KCNH5: variants seen among roughly 807,000 people sequenced by gnomAD.
KCNH5 encodes the protein voltage-gated delayed rectifier potassium channel KCNH5.
Under a neutral mutation model 96.1 loss-of-function variants are expected in KCNH5, and 46 were observed. The observed-to-expected ratio is 0.48, with a 90% CI of 0.38 to 0.61. The LOEUF is 0.61. KCNH5 is among the 20% of genes least tolerant of loss of function. KCNH5 has a pLI of 0.00. For synonymous variants in KCNH5, 439 were observed against 449.8 expected, an observed-to-expected ratio of 0.98 and a Z score of 0.30; for missense variants, 907 against 1,225.8, an observed-to-expected ratio of 0.74 and a Z score of 3.88.
At position 62,879,491 on chromosome 14, in the gene KCNH5, T is replaced by C. The variant is rs114445134; in HGVS notation, c.1370-29639A>G. Among the ~76,000 whole-genome samples the C allele has an allele frequency of 3.6e-3, 554 of 152,292 alleles. 3 individuals are homozygous for C. Among genetic ancestry groups the C allele is most frequent in the African/African-American group, 0.012 (517 of 41,576 alleles). On this transcript the variant is annotated intron_variant, in intron 7 of 10. Transcript: ENST00000322893. ...TGAATGAATAAATGAATGGGATTTC[T>C]TTAACCCGCAAATTATTATTATTGA...
chr14:62,873,525 T>A (rs1888304177), intron 7 of KCNH5, among the ~76,000 whole-genome samples: 2 of 152,144 alleles, frequency 1.3e-5, no homozygotes, highest in South Asian at 2.1e-4. Flanking sequence ...TAAAAATGAG[T>A]TGTCCTACTG....
intron 6 of KCNH5, among the ~76,000 whole-genome samples, 191 bp downstream of exon 6, chr14:62,980,681 C>A (rs1246682770): frequency 2.0e-5 from 3 of 152,092 alleles, no homozygotes; most frequent in African/African-American, 2.4e-5. Flanking sequence ...TACTTTCAAC[C>A]AGATATCAAG....
intron 2 of KCNH5, among the ~76,000 whole-genome samples, chr14:63,015,847 T>G (rs1891317785): frequency 6.6e-6 from 1 of 151,820 alleles, no homozygotes; most frequent in South Asian, 2.1e-4. Flanking sequence ...GTTGAAAAAA[T>G]TAACCTATAA....
intron 7 of KCNH5, among the ~76,000 whole-genome samples, chr14:62,912,402 A>T (rs1423991492): frequency 6.7e-6 from 1 of 150,144 alleles, no homozygotes; most frequent in Non-Finnish European, 1.5e-5. Context: ...ACTTCCTTCT[A>T]TATCTTGATT....
rs1594668636 is a variant in KCNH5 at position 63,001,475 on chromosome 14, G to T, written c.305-16C>A. ...ACAGGGGTTCCTGTAACAGAAAGAAGTTGGGGAAAGGACATTAGAGTGTGG... is the reference window on the plus strand; with the variant it reads ...ACAGGGGTTCCTGTAACAGAAAGAATTTGGGGAAAGGACATTAGAGTGTGG... On this transcript the variant is annotated splice_polypyrimidine_tract_variant and intron_variant, in intron 3 of 10. Transcript: ENST00000322893. The T allele has an allele frequency of 1.2e-6, 2 of 1,605,232 alleles. No homozygotes were observed. Among genetic ancestry groups the T allele is most frequent in the Admixed American group, 1.7e-5 (1 of 58,736 alleles).
chr14:62,809,616 T>C (rs560725972), intron 8 of KCNH5, among the ~76,000 whole-genome samples: 1 of 152,232 alleles, frequency 6.6e-6, no homozygotes, highest in Admixed American at 6.6e-5. Context: ...AGATTCCTTA[T>C]GAAACAGAGT....
chr14:62,927,830 T>C (rs1889504422), intron 7 of KCNH5, among the ~76,000 whole-genome samples: 1 of 152,088 alleles, frequency 6.6e-6, no homozygotes, highest in Admixed American at 6.6e-5. Flanking sequence ...TATGAATGTA[T>C]TTAATGCCAC....
chr14:62,994,432 A>G (rs890596423), intron 4 of KCNH5, among the ~76,000 whole-genome samples: 4 of 152,096 alleles, frequency 2.6e-5, no homozygotes, highest in African/African-American at 4.8e-5. Context: ...ACACATATGG[A>G]TAACTGACAG....
At chr14:62,803,535 G>A (rs1886707158) in intron 8 of KCNH5, among the ~76,000 whole-genome samples, 2 of 152,166 alleles carry the variant, frequency 1.3e-5, no homozygotes, top group South Asian at 4.1e-4. Context: ...TTGTATGGCA[G>A]TCCTTGTTCA....
At chr14:62,776,336 T>A (rs1377215063) in intron 10 of KCNH5, among the ~76,000 whole-genome samples, 1 of 152,016 alleles carries the variant, frequency 6.6e-6, no homozygotes, top group Non-Finnish European at 1.5e-5. Context: ...GCTAGCTGGC[T>A]TCCTTCCCAC....
chr14:62,802,177 G>T, intron 9 of KCNH5, 152 bp downstream of exon 9: 1 of 719,680 alleles, frequency 1.4e-6, no homozygotes, highest in Non-Finnish European at 2.3e-6. Context: ...TGCTGAAATA[G>T]CATTATTAGT....
intron 7 of KCNH5, among the ~76,000 whole-genome samples, chr14:62,901,229 T>G (rs927629975): frequency 2.6e-5 from 4 of 152,190 alleles, no homozygotes; most frequent in African/African-American, 9.7e-5. Context: ...TATTTATTTT[T>G]GGGTTTTTTT....
intron 7 of KCNH5, among the ~76,000 whole-genome samples, chr14:62,925,470 G>T (rs947397321): frequency 1.3e-5 from 2 of 151,744 alleles, no homozygotes; most frequent in African/African-American, 4.8e-5. Flanking sequence ...CTTTCCTCTT[G>T]AGTGTTATAA....
intron 5 of KCNH5, among the ~76,000 whole-genome samples, chr14:62,986,553 G>A (rs1320365343): frequency 6.6e-6 from 1 of 152,078 alleles, no homozygotes; most frequent in East Asian, 1.9e-4. Context: ...TTTCCCTTCA[G>A]AATTCACTCA....
At chr14:62,760,030 G>A (rs1296804802) in intron 10 of KCNH5, among the ~76,000 whole-genome samples, 1 of 152,100 alleles carries the variant, frequency 6.6e-6, no homozygotes. Context: ...GTGACTCTCA[G>A]GTACAAACAT....
chr14:62,962,222 A>G (rs1215496241), intron 6 of KCNH5, among the ~76,000 whole-genome samples: 1 of 147,872 alleles, frequency 6.8e-6, no homozygotes, highest in Non-Finnish European at 1.5e-5. Context: ...TTCAAATACA[A>G]CCTCCTTGTT....
intron 8 of KCNH5, among the ~76,000 whole-genome samples, chr14:62,837,010 G>A (rs986170041): frequency 1.3e-5 from 2 of 152,120 alleles, no homozygotes; most frequent in African/African-American, 4.8e-5. Flanking sequence ...TGTTTAAATG[G>A]AGACTATAAC....
chr14:62,787,470 T>C (rs1886342054), intron 9 of KCNH5, among the ~76,000 whole-genome samples: 1 of 152,138 alleles, frequency 6.6e-6, no homozygotes, highest in African/African-American at 2.4e-5. Context: ...ACACAAGTAC[T>C]GATGTAGAAG....
Position 62,708,140 on chromosome 14 carries a change from G to A in KCNH5, c.2335C>T (p.Arg779Cys), listed in dbSNP as rs200292403. The A allele has an allele frequency of 1.7e-5, 28 of 1,614,070 alleles. No homozygotes were observed. Among genetic ancestry groups the A allele is most frequent in the South Asian group, 2.2e-5 (2 of 91,082 alleles). Reference protein sequence around the residue: ...KTSESLKQNNRDAMELKPNGG... With the variant: ...KTSESLKQNNCDAMELKPNGG... ...TTGGGCTTGAGTTCCATGGCATCAC[G>A]GTTGTTCTGCTTAAGGGATTCACTG... Residue 779 changes from arginine (R) to cysteine (C), a missense_variant, in exon 11 of 11, where the codon CGT (arginine) becomes TGT (cysteine). Transcript: ENST00000322893.
Sources: allele counts gnomAD v4.1 joint callset (sites outside exome capture counted in the v4.1 genomes callset), GRCh38; gene constraint gnomAD v4.1.1; transcripts MANE v1.5; gene names NCBI Gene and HGNC (gene_info 2026-07-23, HGNC 2026-07-21).